Variants in ADGRV1 observed in about 807,000 individuals in gnomAD.
The protein encoded by ADGRV1 is adhesion G protein-coupled receptor V1.
A neutral mutation model predicts 596.2 loss-of-function variants in ADGRV1; 359 were observed. The observed-to-expected ratio is 0.60, with a 90% CI of 0.55 to 0.66. The LOEUF is 0.66. ADGRV1 is among the 30% of genes least tolerant of loss of function. ADGRV1 has a pLI of 0.00. For synonymous variants in ADGRV1, 2,681 were observed against 2,679.2 expected (o/e 1.00, Z -0.02); for missense variants, 7,274 against 7,575.6 (o/e 0.96, Z 1.48).
chr5:90,675,613 C>A (rs543261190), intron 24 of ADGRV1, among the ~76,000 whole-genome samples, 168 bp downstream of exon 24: 1 of 151,906 alleles, frequency 6.6e-6, no homozygotes, highest in Non-Finnish European at 1.5e-5. Context: ...GCATGGGCAA[C>A]GTCGCAAGTC....
intron 86 of ADGRV1, among the ~76,000 whole-genome samples, chr5:91,084,988 C>G (rs1356186081): frequency 6.6e-6 from 1 of 152,168 alleles, no homozygotes; most frequent in Non-Finnish European, 1.5e-5. Context: ...GACAGAAAAG[C>G]AAACACCACA....
chr5:90,628,440 T>G (rs1765083254), intron 7 of ADGRV1, 122 bp from the exon 8 acceptor site: 1 of 799,212 alleles, frequency 1.3e-6, no homozygotes, highest in Non-Finnish European at 2.0e-6. Flanking sequence ...AATCAGTTAT[T>G]TTTTTGTTGT....
intron 78 of ADGRV1, among the ~76,000 whole-genome samples, chr5:90,842,911 TC>T (rs1765557942): frequency 6.6e-6 from 1 of 152,108 alleles, no homozygotes; most frequent in Admixed American, 6.5e-5. Context: ...AATACTGAAA[TC>T]TGTTGATTTA....
At chr5:91,087,935 A>G (rs1212793937) in intron 86 of ADGRV1, among the ~76,000 whole-genome samples, 2 of 152,176 alleles carry the variant, frequency 1.3e-5, no homozygotes, top group African/African-American at 4.8e-5. Flanking sequence ...CATATTTTTT[A>G]ACCTCAGTGC....
intron 79 of ADGRV1, among the ~76,000 whole-genome samples, chr5:90,852,700 C>A (rs1349144804): frequency 6.6e-6 from 1 of 152,178 alleles, no homozygotes; most frequent in East Asian, 1.9e-4. Flanking sequence ...TGAGCCCAGG[C>A]TCTTATTATG....
chr5:90,590,208 T>C (rs540572217), intron 1 of ADGRV1, among the ~76,000 whole-genome samples: 186 of 152,302 alleles, frequency 1.2e-3, no homozygotes, highest in African/African-American at 4.3e-3. Flanking sequence ...AGAAGCCATG[T>C]CCAAACTTAG....
intron 83 of ADGRV1, among the ~76,000 whole-genome samples, chr5:90,955,100 C>A (rs1668716452): frequency 6.6e-6 from 1 of 152,096 alleles, no homozygotes; most frequent in Non-Finnish European, 1.5e-5. Context: ...GAGACGATGA[C>A]CGTCTGCAAA....
chr5:90,721,716 T>G (rs891033036), intron 45 of ADGRV1, among the ~76,000 whole-genome samples: 8 of 152,152 alleles, frequency 5.3e-5, no homozygotes, highest in African/African-American at 1.4e-4. Context: ...TAGTAAGTGC[T>G]TTTGTCAAAG....
intron 85 of ADGRV1, among the ~76,000 whole-genome samples, chr5:90,994,566 A>G (rs942728517): frequency 1.3e-5 from 2 of 152,122 alleles, no homozygotes; most frequent in Non-Finnish European, 2.9e-5. Context: ...TGCCTGAGGG[A>G]TAGTTTCTAT....
intron 83 of ADGRV1, among the ~76,000 whole-genome samples, chr5:90,941,646 A>G (rs1245680405): frequency 2.0e-5 from 3 of 152,206 alleles, no homozygotes; most frequent in Non-Finnish European, 2.9e-5. Context: ...TTTAACACAA[A>G]CACTCTGCCA....
rs1244049054 is a variant in ADGRV1, at chr5:90,753,571, T to A, written c.11122-3T>A. 6.3e-7 allele frequency: 1 copy of A among 1,583,048 alleles called. No homozygotes were observed. The highest frequency in any genetic ancestry group is 1.7e-4 in the Middle Eastern group (1 of 5,960). ...ATAACATCTTCTTTCTTTAAAATTC[T>A]AGATTTTATTTACTGAAGGCCAGGT... On this transcript the variant is annotated splice_region_variant and splice_polypyrimidine_tract_variant and intron_variant, in intron 53 of 89. Transcript: ENST00000405460.
At position 90,645,088 on chromosome 5, in the gene ADGRV1, G is replaced by C. The variant is rs148779191; in HGVS notation, c.2898+219G>C. 8.5e-3 allele frequency among the ~76,000 whole-genome samples: 1,297 copies of C among 152,324 alleles called. 16 individuals are homozygous for C. Among genetic ancestry groups the C allele is most frequent in the South Asian group, 0.059 (287 of 4,828 alleles). Reference sequence around the variant, plus strand: ...AGAACTGAGAGTGGTCAGTGACACTGCTCATGTATCCAGTATCAGGGATTC... The same window carrying C: ...AGAACTGAGAGTGGTCAGTGACACTCCTCATGTATCCAGTATCAGGGATTC... On this transcript the variant is annotated intron_variant, in intron 15 of 89. Coordinates refer to ENST00000405460, the MANE Select transcript of ADGRV1 (RefSeq NM_032119.4).
At chr5:90,574,001 C>T (rs887529488) in intron 1 of ADGRV1, among the ~76,000 whole-genome samples, 2 of 152,044 alleles carry the variant, frequency 1.3e-5, no homozygotes, top group African/African-American at 4.8e-5. Context: ...TATTTTGTTC[C>T]ATTGGTCTTT....
intron 45 of ADGRV1, among the ~76,000 whole-genome samples, chr5:90,722,447 A>G (rs1024103314): frequency 2.0e-5 from 3 of 151,590 alleles, no homozygotes; most frequent in Admixed American, 1.3e-4. Flanking sequence ...GCGGTGGTTC[A>G]TGCCTGTAAT....
At chr5:90,976,322 GTA>G (rs70973719) in intron 84 of ADGRV1, among the ~76,000 whole-genome samples, 10,611 of 108,404 alleles carry the variant, frequency 0.098, 528 homozygotes, top group Admixed American at 0.17. Context: ...GTGTGTGTGT[GTA>G]TATATATATA....
At chr5:91,101,824 T>C (rs774939977) in intron 86 of ADGRV1, among the ~76,000 whole-genome samples, 2 of 152,162 alleles carry the variant, frequency 1.3e-5, no homozygotes, top group Non-Finnish European at 2.9e-5. Context: ...CACGATGTTA[T>C]ATAATTTCTG....
chr5:91,002,983 C>A (rs1034800170), intron 85 of ADGRV1, among the ~76,000 whole-genome samples: 5 of 152,074 alleles, frequency 3.3e-5, no homozygotes, highest in African/African-American at 1.2e-4. Flanking sequence ...AAAATGTCAG[C>A]CCCCCAGTAG....
intron 87 of ADGRV1, among the ~76,000 whole-genome samples, chr5:91,105,252 G>C (rs1026992250): frequency 1.3e-5 from 2 of 152,132 alleles, no homozygotes; most frequent in African/African-American, 4.8e-5. Context: ...TGGACACCTA[G>C]GTTGATTCCA....
At chr5:90,841,921 C>G (rs1765467818) in intron 78 of ADGRV1, among the ~76,000 whole-genome samples, 1 of 152,154 alleles carries the variant, frequency 6.6e-6, no homozygotes, top group Admixed American at 6.6e-5. Flanking sequence ...TGGCAAACAT[C>G]TTATAAAGCA....
Sources: gnomAD v4.1 joint callset for allele counts (sites outside exome capture counted in the v4.1 genomes callset) on GRCh38, gnomAD v4.1.1 for gene constraint, MANE v1.5 for transcripts, NCBI Gene and HGNC (gene_info 2026-07-23, HGNC 2026-07-21) for gene names.